The following TOGARAM1 variants were observed in gnomAD, a reference collection of about 807,000 sequenced individuals.
TOGARAM1 encodes TOG array regulator of axonemal microtubules 1.
In TOGARAM1, 100 loss-of-function variants were observed where a neutral mutation model predicts 166.6. The ratio of observed to expected loss-of-function variants is 0.60; its 90% CI spans 0.51 to 0.71. The LOEUF is 0.71. TOGARAM1 is among the 30% of genes least tolerant of loss of function. The pLI is 0.00. For synonymous variants in TOGARAM1, 758 were observed against 763.8 expected, an observed-to-expected ratio of 0.99 and a Z score of 0.13; for missense variants, 2,029 against 2,102.7, an observed-to-expected ratio of 0.96 and a Z score of 0.69.
In TOGARAM1 at chr14:45,004,324, C is replaced by T. The variant is rs774214182; in HGVS notation, c.2602C>T (p.Leu868Phe). 3.3e-5 allele frequency: 54 copies of T among 1,613,766 alleles called. No individual in the cohort carries two copies. Among genetic ancestry groups the T allele is most frequent in the Non-Finnish European group, 4.5e-5 (53 of 1,179,902 alleles). ...GLSKPSPQKK[L>F]VSQKSSDPTG... is the part of the protein sequence containing the mutation. ...ATCAAAGCCAAGTCCACAGAAGAAG[C>T]TTGTCAGCCAAAAATCGTCTGATCC... is the stretch of plus-strand genomic sequence containing the variant. Residue 868 changes from leucine (L) to phenylalanine (F), a missense_variant, in exon 4 of 20, where the codon CTT becomes TTT. By Grantham distance (22) the Leu-to-Phe change is conservative. This residue lies in a region of TOGARAM1 where 1,453 missense variants were observed against 1,432.2 expected (regional missense o/e 1.01). Transcript: ENST00000361462.
rs1883474435 is a variant in TOGARAM1, at chr14:45,073,487, G to T, written c.5248G>T (p.Ala1750Ser). 1.9e-6 allele frequency: 3 copies of T among 1,614,052 alleles called. No homozygotes were observed. In the East Asian group the frequency reaches 6.7e-5, roughly 36 times the overall value. Residue 1750 changes from alanine to serine, a missense_variant, in exon 20 of 20, where the codon GCT becomes TCT. Physicochemically the swap from Ala to Ser is moderately conservative, Grantham distance 99. Coordinates refer to ENST00000361462, the MANE Select transcript of TOGARAM1 (RefSeq NM_001308120.2). The stretch of plus-strand genomic sequence containing the variant: ...GATGGGTCAGAATCTGTTAAATCAG[G>T]CTGCATCTCAACCACCACATATCAA... Reference protein sequence around the residue: ...AQMGQNLLNQAASQPPHIKKS... With the variant: ...AQMGQNLLNQSASQPPHIKKS...
chr14:44,987,832 A>T (rs1004860001), intron 1 of TOGARAM1, among the ~76,000 whole-genome samples: 1 of 148,702 alleles, frequency 6.7e-6, no homozygotes, highest in African/African-American at 2.5e-5. Context: ...ACTATTCACA[A>T]TAGCAAAGAC....
rs574104289 is a variant in TOGARAM1, at chr14:44,997,373, T to C, written c.2203+1471T>C. On this transcript the variant is annotated intron_variant, in intron 2 of 19. Coordinates refer to ENST00000361462, the MANE Select transcript of TOGARAM1 (RefSeq NM_001308120.2). ...GTGAGTCAAGATCGCACCACTGCACTCCAGCCTGGCAACAAAGCAAGACTC... is the reference window on the plus strand; with the variant it reads ...GTGAGTCAAGATCGCACCACTGCACCCCAGCCTGGCAACAAAGCAAGACTC... 10 of 114,012 alleles carry C rather than the reference T, an allele frequency of 8.8e-5. 1 individual carries two copies. In the East Asian group the frequency reaches 2.6e-3, roughly 29 times the overall value. 7.1% of individuals were successfully genotyped at this position (114,012 alleles called of 1,614,324 possible). A position where few individuals can be genotyped will look rare whatever the true frequency, so the allele number is the denominator to read the frequency against.
chr14:45,008,872 G>A, intron 5 of TOGARAM1, 41 bp from the exon 6 acceptor site: 5 of 1,500,604 alleles, frequency 3.3e-6, no homozygotes, highest in Non-Finnish European at 4.5e-6. Context: ...CCAATATAAG[G>A]AATTTATGTT....
intron 8 of TOGARAM1, among the ~76,000 whole-genome samples, chr14:45,026,617 T>C (rs967196056): frequency 2.0e-5 from 3 of 152,074 alleles, no homozygotes; most frequent in African/African-American, 7.2e-5. Context: ...CCCCATCTCA[T>C]AGATTTCCCC....
chr14:45,066,687 C>A lies in TOGARAM1; in HGVS notation c.4669C>A (p.Arg1557Ser), dbSNP rs752360247. The A allele has an allele frequency of 3.1e-6, 5 of 1,613,826 alleles. No homozygotes were observed. Among genetic ancestry groups the A allele is most frequent in the Non-Finnish European group, 4.2e-6 (5 of 1,179,822 alleles). Residue 1557 changes from arginine to serine, a missense_variant, in exon 17 of 20, where the codon CGT (arginine) becomes AGT (serine). By Grantham distance (110) the Arg-to-Ser change is moderately radical (BLOSUM62 -1). Transcript: ENST00000361462. ...TGGCTTATTAAATGCAAAAGACTTT[C>A]GTGATCGTATTAATGGGATTAAGCA... ...ITGLLNAKDF[R>S]DRINGIKQLL...
At chr14:45,037,439 C>T (rs1296802027) in intron 11 of TOGARAM1, among the ~76,000 whole-genome samples, 2 of 152,070 alleles carry the variant, frequency 1.3e-5, no homozygotes, top group Non-Finnish European at 2.9e-5. Context: ...GGAGTGATAT[C>T]GCAACACATT....
At chr14:45,057,129 A>C (rs1246275268) in intron 16 of TOGARAM1, among the ~76,000 whole-genome samples, 5 of 152,084 alleles carry the variant, frequency 3.3e-5, no homozygotes, top group African/African-American at 1.2e-4. Flanking sequence ...AGGAATTGAA[A>C]TGTAGTTGCT....
intron 19 of TOGARAM1, 102 bp from the exon 20 acceptor site, chr14:45,073,194 A>T: frequency 8.7e-7 from 1 of 1,150,428 alleles, no homozygotes; most frequent in Non-Finnish European, 1.2e-6. Context: ...AGGACAAATT[A>T]CATAAGGAAG....
chr14:45,032,901 C>CT (rs1171314085), intron 11 of TOGARAM1, among the ~76,000 whole-genome samples: 1 of 152,124 alleles, frequency 6.6e-6, no homozygotes, highest in East Asian at 1.9e-4. Context: ...TCAGTTTTGC[C>CT]TGTGTTCTAG....
At chr14:45,044,975 A>C (rs1485357702) in intron 13 of TOGARAM1, 105 bp downstream of exon 13, 4 of 755,608 alleles carry the variant, frequency 5.3e-6, no homozygotes, top group Non-Finnish European at 8.2e-6. Flanking sequence ...ATCAGTCAAA[A>C]AACATTTATT....
intron 11 of TOGARAM1, 27 bp from the exon 12 acceptor site, chr14:45,043,659 T>G: frequency 4.0e-6 from 5 of 1,263,208 alleles, no homozygotes; most frequent in Non-Finnish European, 5.8e-6. Context: ...ATTTAACGAA[T>G]GATCTTGTCA....
rs1880971731 is a variant in TOGARAM1, at chr14:45,028,249, A to G, written c.3578A>G (p.His1193Arg). 1.2e-6 allele frequency: 2 copies of G among 1,605,970 alleles called. No individual in the cohort carries two copies. The highest frequency in any genetic ancestry group is 8.5e-7 in the Non-Finnish European group (1 of 1,177,752). Residue 1193 changes from histidine (H) to arginine (R), a missense_variant, in exon 10 of 20, where the codon CAC (histidine) becomes CGC (arginine). By Grantham distance (29) the His-to-Arg change is conservative. Transcript: ENST00000361462. ...AGAAAAGAAGAGAAAGAACTGTTTC[A>G]CAATAAAGATTGTGAAAAGAAGGAA... ...QKRKEEKELF[H>R]NKDCEKKEKN... is the part of the protein sequence containing the mutation.
chr14:45,019,429 C>A (rs1021268213), intron 7 of TOGARAM1, among the ~76,000 whole-genome samples: 6 of 151,998 alleles, frequency 3.9e-5, no homozygotes, highest in Middle Eastern at 6.8e-3. Context: ...ACACATAAAA[C>A]TAACACCTGG....
intron 18 of TOGARAM1, among the ~76,000 whole-genome samples, chr14:45,069,664 C>T (rs1883291700): frequency 6.6e-6 from 1 of 152,066 alleles, no homozygotes. Context: ...AAGTTAAGGC[C>T]ATGATCACCA....
intron 4 of TOGARAM1, 54 bp from the exon 5 acceptor site, chr14:45,005,954 C>A: frequency 6.9e-7 from 1 of 1,447,290 alleles, no homozygotes. Flanking sequence ...GACTATAACT[C>A]CCTCTTCTCT....
intron 4 of TOGARAM1, among the ~76,000 whole-genome samples, 161 bp downstream of exon 4, chr14:45,004,527 AATG>A (rs1887856040): frequency 6.6e-6 from 1 of 152,244 alleles, no homozygotes; most frequent in Non-Finnish European, 1.5e-5. Context: ...AAATAAATCA[AATG>A]TATAAAATTC....
In TOGARAM1 at chr14:44,963,631, G is replaced by A. The variant is rs1489402561; in HGVS notation, c.1210G>A (p.Asp404Asn). ...CATTAGTTTGCTATATAATTTGTTA[G>A]ACGATTCTAACTTCAAAGTGGTGCA... is the stretch of plus-strand genomic sequence containing the variant. ...GFISLLYNLLDDSNFKVVHGT... is the reference protein window; with the variant it reads ...GFISLLYNLLNDSNFKVVHGT... The change falls in exon 1 of 20, where the codon GAC becomes AAC. Residue 404 changes from aspartate (D) to asparagine (N), a missense_variant. By Grantham distance (23) the Asp-to-Asn change is conservative. Around this residue, in one of 2 missense-constraint regions of TOGARAM1, gnomAD observed 1,453 missense variants for 1,432.2 expected, o/e 1.01. Transcript: ENST00000361462. 4 of 1,613,192 alleles carry A rather than the reference G, an allele frequency of 2.5e-6. No homozygotes were observed. Among genetic ancestry groups the A allele is most frequent in the Non-Finnish European group, 3.4e-6 (4 of 1,179,998 alleles).
At chr14:44,974,154 A>G (rs1886054835) in intron 1 of TOGARAM1, among the ~76,000 whole-genome samples, 1 of 151,592 alleles carries the variant, frequency 6.6e-6, no homozygotes, top group African/African-American at 2.4e-5. Context: ...CATATGTTAC[A>G]CGTTTTGTAG....
Sources: allele counts gnomAD v4.1 joint callset (sites outside exome capture counted in the v4.1 genomes callset), GRCh38; gene constraint gnomAD v4.1.1; regional missense constraint gnomAD v4.1.1; transcripts MANE v1.5; gene names NCBI Gene and HGNC (gene_info 2026-07-23, HGNC 2026-07-21).